The following SHLD1 variants were observed in gnomAD, a reference collection of about 807,000 sequenced individuals.
SHLD1 encodes shieldin complex subunit 1.
Under a neutral mutation model 5.5 loss-of-function variants are expected in SHLD1, and 3 were observed. That is an observed-to-expected ratio of 0.54 (90% CI 0.25 to 1.40). The LOEUF (loss-of-function observed/expected upper bound fraction) is 1.40. Ranked by LOEUF, SHLD1 falls within the 40% of genes most tolerant of loss-of-function variation. The pLI is 0.15. For synonymous variants in SHLD1, 92 were observed against 94.3 expected, an observed-to-expected ratio of 0.98 and a Z score of 0.14; for missense variants, 210 against 244.4, an observed-to-expected ratio of 0.86 and a Z score of 0.94.
Position 5,802,935 on chromosome 20 carries a change from G to A in SHLD1, c.178+29892G>A, listed in dbSNP as rs6053717. On this transcript the variant is annotated intron_variant, in intron 2 of 2. Transcript: ENST00000303142. ...AAGAATTCTTCATCACTCACTGCAG[G>A]GCCAGGACCAAGACAAAGTGTTAAA... 6.0e-3 allele frequency among the ~76,000 whole-genome samples: 910 copies of A among 152,200 alleles called. 10 individuals carry two copies. The highest frequency in any genetic ancestry group is 0.021 in the African/African-American group (871 of 41,534).
intron 2 of SHLD1, among the ~76,000 whole-genome samples, chr20:5,834,508 G>GA (rs1217055979): frequency 6.6e-6 from 1 of 152,032 alleles, no homozygotes; most frequent in South Asian, 2.1e-4. Context: ...TCCTCAATGT[G>GA]AAAAAACAAT....
chr20:5,853,257 C>T (rs1005590847), intron 2 of SHLD1, among the ~76,000 whole-genome samples: 3 of 152,034 alleles, frequency 2.0e-5, no homozygotes, highest in African/African-American at 7.3e-5. Flanking sequence ...ACCAGCCTGG[C>T]CAACATGGCG....
chr20:5,850,112 C>CAATAAT (rs113975793), intron 2 of SHLD1, among the ~76,000 whole-genome samples: 43,585 of 129,796 alleles, frequency 0.34, 7,765 homozygotes, highest in Admixed American at 0.42. Flanking sequence ...GACCCCGTCT[C>CAATAAT]AATAATAATA....
chr20:5,798,839 C>T (rs1319515929), intron 2 of SHLD1, among the ~76,000 whole-genome samples: 1 of 151,954 alleles, frequency 6.6e-6, no homozygotes, highest in African/African-American at 2.4e-5. Context: ...AGGATGGTCT[C>T]GATCTCCTGA....
intron 2 of SHLD1, among the ~76,000 whole-genome samples, chr20:5,824,713 A>G (rs927101397): frequency 3.3e-5 from 5 of 151,742 alleles, no homozygotes; most frequent in Non-Finnish European, 5.9e-5. Flanking sequence ...AAATGTACCC[A>G]AGGAACAATT....
chr20:5,813,105 G>A (rs1320461876), intron 2 of SHLD1, among the ~76,000 whole-genome samples: 1 of 151,884 alleles, frequency 6.6e-6, no homozygotes, highest in African/African-American at 2.4e-5. Context: ...AGAACTTCTG[G>A]GCTCAAGTGA....
At chr20:5,846,607 TTGTTTTAAG>T (rs1322293206) in intron 2 of SHLD1, among the ~76,000 whole-genome samples, 8 of 152,202 alleles carry the variant, frequency 5.3e-5, no homozygotes, top group Non-Finnish European at 1.2e-4. Context: ...CCCTGAATGA[TTGTTTTAAG>T]TGTTTCAGTG....
At position 5,847,584 on chromosome 20, in the gene SHLD1, A is replaced by G. The variant is rs140802366; in HGVS notation, c.179-15440A>G. 5.4e-4 allele frequency among the ~76,000 whole-genome samples: 83 copies of G among 152,342 alleles called. No homozygotes were observed. The East Asian group carries it at 8.7e-3, about 16-fold the overall frequency. On this transcript the variant is annotated intron_variant, in intron 2 of 2. Coordinates refer to ENST00000303142, the MANE Select transcript of SHLD1 (RefSeq NM_152504.4). ...AAGATAAAAAGAGAGAGTGAAAAAA[A>G]GTAGGAACATGGTCAATAATATGAA...
rs536519870 is a variant in SHLD1, at chr20:5,854,934, C to G, written c.179-8090C>G. Among the ~76,000 whole-genome samples the G allele has an allele frequency of 6.3e-4, 94 of 149,598 alleles. 1 individual carries two copies. The Admixed American group carries it at 6.3e-3, about 10-fold the overall frequency. Reference sequence around the variant, plus strand: ...CCAGGCTGGAGTCCAGTGGCAGTGGCGTGATCACAGTCCATTGCTGCCTTG... The same window carrying G: ...CCAGGCTGGAGTCCAGTGGCAGTGGGGTGATCACAGTCCATTGCTGCCTTG... On this transcript the variant is annotated intron_variant, in intron 2 of 2. Transcript: ENST00000303142.
chr20:5,811,930 C>T (rs1384275320), intron 2 of SHLD1, among the ~76,000 whole-genome samples: 3 of 151,814 alleles, frequency 2.0e-5, no homozygotes, highest in Non-Finnish European at 2.9e-5. Context: ...TAACCCAAGG[C>T]GAGTTACTTT....
In SHLD1 at chr20:5,863,493, T is replaced by A; in HGVS notation, c.*30T>A. ...TGCCGGGCAGTGTGCAGGGTAGTAA[T>A]GGAGGTGCTGTGCCATGACCAGCAG... On this transcript the variant is annotated 3_prime_UTR_variant, in exon 3 of 3. Transcript: ENST00000303142. 1 of 1,561,758 alleles carries A rather than the reference T, an allele frequency of 6.4e-7. No individual in the cohort carries two copies. Among genetic ancestry groups the A allele is most frequent in the Non-Finnish European group, 8.7e-7 (1 of 1,154,830 alleles).
intron 1 of SHLD1, among the ~76,000 whole-genome samples, chr20:5,767,166 G>A (rs765018463): frequency 6.6e-5 from 10 of 150,808 alleles, no homozygotes; most frequent in African/African-American, 1.7e-4. Context: ...ACAGAGTCTC[G>A]CTCTGTCACC....
At chr20:5,847,401 A>G (rs2087945130) in intron 2 of SHLD1, among the ~76,000 whole-genome samples, 1 of 152,176 alleles carries the variant, frequency 6.6e-6, no homozygotes, top group South Asian at 2.1e-4. Context: ...AAACAAAAAC[A>G]AACCCTGTGG....
intron 1 of SHLD1, among the ~76,000 whole-genome samples, chr20:5,758,423 AT>A (rs1984261115): frequency 1.5e-5 from 1 of 65,008 alleles, no homozygotes; most frequent in Non-Finnish European, 4.6e-5. Context: ...ATTTTTTTTT[AT>A]ATTTTTTTTT....
intron 1 of SHLD1, among the ~76,000 whole-genome samples, chr20:5,755,069 GAAAAA>G (rs1568485026): frequency 6.7e-6 from 1 of 148,256 alleles, no homozygotes; most frequent in Non-Finnish European, 1.5e-5. Flanking sequence ...AAAAAAAAAA[GAAAAA>G]AGAAGAGAAA....
chr20:5,758,786 G>A (rs543164886), intron 1 of SHLD1, among the ~76,000 whole-genome samples: 2 of 152,118 alleles, frequency 1.3e-5, no homozygotes, highest in East Asian at 1.9e-4. Flanking sequence ...GTGGGAGGAC[G>A]CTTTGGGAAG....
At chr20:5,771,212 A>T (rs529556055) in intron 1 of SHLD1, among the ~76,000 whole-genome samples, 17 of 152,126 alleles carry the variant, frequency 1.1e-4, no homozygotes, top group African/African-American at 3.9e-4. Context: ...CTTCCTTTGC[A>T]CTTTTATGAA....
intron 2 of SHLD1, among the ~76,000 whole-genome samples, chr20:5,852,642 GT>G (rs1477525406): frequency 1.3e-5 from 2 of 152,116 alleles, no homozygotes; most frequent in Non-Finnish European, 2.9e-5. Flanking sequence ...TAGAGACGGG[GT>G]TTTGCCATGT....
At chr20:5,862,143 T>A (rs1056668809) in intron 2 of SHLD1, among the ~76,000 whole-genome samples, 2 of 152,232 alleles carry the variant, frequency 1.3e-5, no homozygotes, top group Non-Finnish European at 2.9e-5. Context: ...CCAAATATAG[T>A]CATGTTGGGG....
Sources: gnomAD v4.1 joint callset for allele counts (sites outside exome capture counted in the v4.1 genomes callset) on GRCh38, gnomAD v4.1.1 for gene constraint, MANE v1.5 for transcripts, NCBI Gene and HGNC (gene_info 2026-07-23, HGNC 2026-07-21) for gene names.